The following NKAPD1 variants were observed in gnomAD, a reference collection of about 807,000 sequenced individuals.
NKAPD1 encodes the protein NKAP domain containing 1.
A neutral mutation model predicts 30.9 loss-of-function variants in NKAPD1; 12 were observed. The observed-to-expected ratio is 0.39, with a 90% CI of 0.25 to 0.63. The LOEUF is 0.63. Ranked by LOEUF, NKAPD1 falls within the 20% of genes least tolerant of loss-of-function variation. The probability of loss-of-function intolerance (pLI) is 0.51; values close to 1 mark genes in which losing one functional copy is unlikely to be tolerated. For missense variants in NKAPD1, 311 were observed against 344.5 expected, an observed-to-expected ratio of 0.90 and a Z score of 0.77; for synonymous variants, 91 against 113.6, an observed-to-expected ratio of 0.80 and a Z score of 1.26.
chr11:112,079,140 A>ATT (rs1204439629), intron 3 of NKAPD1, among the ~76,000 whole-genome samples: 1 of 91,254 alleles, frequency 1.1e-5, no homozygotes, highest in Non-Finnish European at 2.3e-5. Context: ...AGGCCCTTAC[A>ATT]ATTTTTTTTT....
chr11:112,077,203 T>A (rs1865347803), intron 2 of NKAPD1, among the ~76,000 whole-genome samples: 1 of 152,260 alleles, frequency 6.6e-6, no homozygotes, highest in African/African-American at 2.4e-5. Context: ...TTACCCGAGC[T>A]GCCTATGCAA....
chr11:112,078,489 C>T (rs1865378446), intron 3 of NKAPD1, among the ~76,000 whole-genome samples, 174 bp downstream of exon 3: 2 of 152,158 alleles, frequency 1.3e-5, no homozygotes, highest in Non-Finnish European at 2.9e-5. Context: ...ACGCATATGG[C>T]CCTGCTCTTT....
chr11:112,080,589 T>C (rs752110702), intron 4 of NKAPD1, 31 bp downstream of exon 4: 1 of 1,607,428 alleles, frequency 6.2e-7, no homozygotes, highest in East Asian at 2.2e-5. Context: ...AGCATTAATA[T>C]TTGGCCTGAG....
chr11:112,078,046 A>T (rs535202383), intron 2 of NKAPD1, among the ~76,000 whole-genome samples, 169 bp from the exon 3 acceptor site: 4 of 152,126 alleles, frequency 2.6e-5, no homozygotes, highest in Admixed American at 2.6e-4. Context: ...GGGTTTCACC[A>T]TGTTGGTCAG....
chr11:112,076,364 A>G (rs191925816), intron 2 of NKAPD1, among the ~76,000 whole-genome samples: 1 of 152,310 alleles, frequency 6.6e-6, no homozygotes, highest in Admixed American at 6.5e-5. Flanking sequence ...GCAGGGATGA[A>G]GAAGAGGAAT....
At position 112,075,547 on chromosome 11, in the gene NKAPD1, T is replaced by A; in HGVS notation, c.-8-20T>A. 3 of 1,553,192 alleles carry A rather than the reference T, an allele frequency of 1.9e-6. No homozygotes were observed. Among genetic ancestry groups the A allele is most frequent in the Non-Finnish European group, 2.7e-6 (3 of 1,129,882 alleles). On this transcript the variant is annotated intron_variant, in intron 1 of 5. Coordinates refer to ENST00000393047, the MANE Select transcript of NKAPD1 (RefSeq NM_018195.4). ...AATAACAGAAATTATTACTAAACGTTATTTGTTGATTCATTTCAGATTGAA... is the reference window on the plus strand; with the variant it reads ...AATAACAGAAATTATTACTAAACGTAATTTGTTGATTCATTTCAGATTGAA...
chr11:112,081,939 G>T, intron 4 of NKAPD1, 43 bp from the exon 5 acceptor site: 1 of 1,534,278 alleles, frequency 6.5e-7, no homozygotes, highest in Non-Finnish European at 9.0e-7. Flanking sequence ...TTCCAAAAAT[G>T]TATGCATTGC....
Position 112,083,174 on chromosome 11 carries a change from G to A in NKAPD1, c.*202G>A. 1 of 483,706 alleles carries A rather than the reference G, an allele frequency of 2.1e-6. No homozygotes were observed. Among genetic ancestry groups the A allele is most frequent in the Non-Finnish European group, 3.5e-6 (1 of 288,004 alleles). The allele number at this position is 483,706 out of a possible 1,614,324, so 30.0% of individuals were successfully genotyped here. ...TTGTTAAAAGGGAATCTGGTATTTTGTTATGAAGGTTTCTTGAAGAGATTA... is the reference window on the plus strand; with the variant it reads ...TTGTTAAAAGGGAATCTGGTATTTTATTATGAAGGTTTCTTGAAGAGATTA... On this transcript the variant is annotated 3_prime_UTR_variant, in exon 6 of 6. Coordinates refer to ENST00000393047, the MANE Select transcript of NKAPD1 (RefSeq NM_018195.4).
chr11:112,082,438 C>T (rs979976866), intron 5 of NKAPD1, 27 bp from the exon 6 acceptor site: 53 of 1,467,618 alleles, frequency 3.6e-5, no homozygotes, highest in Non-Finnish European at 4.6e-5. Context: ...TACATAAAAG[C>T]TTCTATTTTT....
rs1182856515 is a variant in NKAPD1 at position 112,074,449 on chromosome 11, G to C, written c.-476G>C. On this transcript the variant is annotated 5_prime_UTR_variant, in exon 1 of 6. Coordinates refer to ENST00000393047, the MANE Select transcript of NKAPD1 (RefSeq NM_018195.4). Reference sequence around the variant, plus strand: ...GAGGCCGCTGGGGAACAGGGATCCCGGTGACAAAGATGGGGATATTTCCTC... The same window carrying C: ...GAGGCCGCTGGGGAACAGGGATCCCCGTGACAAAGATGGGGATATTTCCTC... The C allele has an allele frequency of 3.0e-5, 12 of 399,136 alleles. No homozygotes were observed. Among genetic ancestry groups the C allele is most frequent in the African/African-American group, 2.5e-4 (12 of 48,628 alleles). 24.7% of individuals were successfully genotyped at this position (399,136 alleles called of 1,614,324 possible).
Position 112,074,379 on chromosome 11 carries a change from A to C in NKAPD1, c.-546A>C. 2 of 398,954 alleles carry C rather than the reference A, an allele frequency of 5.0e-6. No individual in the cohort carries two copies. The highest frequency in any genetic ancestry group is 2.1e-5 in the African/African-American group (1 of 48,690). The allele number at this position is 398,954 out of a possible 1,614,324, so 24.7% of individuals were successfully genotyped here. On this transcript the variant is annotated 5_prime_UTR_variant, in exon 1 of 6. Transcript: ENST00000393047. ...GCACGGTATGGGTGTGTTTGTGTGT[A>C]TTTGTGTGGGGAGGGCGTTTGGAGG...
chr11:112,080,506 G>A lies in NKAPD1; in HGVS notation c.268G>A (p.Ala90Thr), dbSNP rs1287649646. The change falls in exon 4 of 6, where the codon GCT becomes ACT. Residue 90 changes from alanine to threonine, a missense_variant. Physicochemically the swap from Ala to Thr is moderately conservative, Grantham distance 58. Coordinates refer to ENST00000393047, the MANE Select transcript of NKAPD1 (RefSeq NM_018195.4). ...GACACTGGAAGATGATTTTCTTAAG[G>A]CTAAATCCTGGAATAAAAAGTTCTA... ...SGTLEDDFLK[A>T]KSWNKKFYDY... 1.2e-6 allele frequency: 2 copies of A among 1,613,986 alleles called. No individual in the cohort carries two copies. Among genetic ancestry groups the A allele is most frequent in the Non-Finnish European group, 1.7e-6 (2 of 1,179,994 alleles).
At chr11:112,082,417 C>T (rs768424579) in intron 5 of NKAPD1, 48 bp from the exon 6 acceptor site, 34 of 1,382,436 alleles carry the variant, frequency 2.5e-5, no homozygotes, top group South Asian at 1.0e-4. Flanking sequence ...TAAAATAATA[C>T]GCTTTTTTTT....
Position 112,082,629 on chromosome 11 carries a change from T to G in NKAPD1, c.539T>G (p.Ile180Arg). The part of the protein sequence containing the change: ...QKKSKKEATD[I>R]TADSSSEFSE... The stretch of plus-strand genomic sequence containing the variant: ...AAAAGCAAAAAGGAAGCCACAGATA[T>G]AACAGCAGATTCCTCGAGTGAGTTC... Residue 180 changes from isoleucine (I) to arginine (R), a missense_variant, in exon 6 of 6, where the codon ATA becomes AGA. Coordinates refer to ENST00000393047, the MANE Select transcript of NKAPD1 (RefSeq NM_018195.4). 6.2e-7 allele frequency: 1 copy of G among 1,613,652 alleles called. No homozygotes were observed. Among genetic ancestry groups the G allele is most frequent in the South Asian group, 1.1e-5 (1 of 90,922 alleles).
chr11:112,082,143 A>G (rs1865466807), intron 5 of NKAPD1, 108 bp downstream of exon 5: 2 of 947,782 alleles, frequency 2.1e-6, no homozygotes, highest in South Asian at 1.5e-5. Context: ...AAATGTAGCT[A>G]GAGAAACAAT....
At chr11:112,080,001 G>T (rs1865411736) in intron 3 of NKAPD1, among the ~76,000 whole-genome samples, 1 of 151,944 alleles carries the variant, frequency 6.6e-6, no homozygotes, top group Non-Finnish European at 1.5e-5. Context: ...TTTTAGCAGA[G>T]ACAGGGTTTC....
rs563078092 is a variant in NKAPD1, at chr11:112,075,430, GA to G, written c.-8-133del. ...CATTTCCCTCTTTTAATGGTAAAGGGAAAACTATTCTTTAGAATCTCTGACT... is the reference window on the plus strand; with the variant it reads ...CATTTCCCTCTTTTAATGGTAAAGGGAAACTATTCTTTAGAATCTCTGACT... On this transcript the variant is annotated intron_variant, in intron 1 of 5. Coordinates refer to ENST00000393047, the MANE Select transcript of NKAPD1 (RefSeq NM_018195.4). 1.4e-4 allele frequency: 88 copies of G among 644,434 alleles called. No individual in the cohort carries two copies. In the African/African-American group the frequency reaches 1.4e-3, roughly 10 times the overall value. The allele number at this position is 644,434 out of a possible 1,614,324, so 39.9% of individuals were successfully genotyped here.
intron 2 of NKAPD1, among the ~76,000 whole-genome samples, chr11:112,076,863 A>C (rs1865340685): frequency 1.3e-5 from 2 of 152,218 alleles, no homozygotes; most frequent in South Asian, 4.1e-4. Flanking sequence ...AGAACAAAAA[A>C]TGGGACAATT....
At chr11:112,082,136 T>C (rs867648617) in intron 5 of NKAPD1, 101 bp downstream of exon 5, 1 of 1,010,860 alleles carries the variant, frequency 9.9e-7, no homozygotes, top group Middle Eastern at 3.0e-4. Flanking sequence ...CCATCAAAAA[T>C]GTAGCTAGAG....
Sources: allele counts gnomAD v4.1 joint callset (sites outside exome capture counted in the v4.1 genomes callset), GRCh38; gene constraint gnomAD v4.1.1; transcripts MANE v1.5; gene names NCBI Gene and HGNC (gene_info 2026-07-23, HGNC 2026-07-21).